Variants in FBXO40 observed in about 807,000 individuals in gnomAD.
The protein encoded by FBXO40 is F-box protein 40, also known as F-box only protein 40.
A neutral mutation model predicts 49.9 loss-of-function variants in FBXO40; 50 were observed. The ratio of observed to expected loss-of-function variants is 1.00; its 90% CI spans 0.80 to 1.27. The LOEUF (loss-of-function observed/expected upper bound fraction) is 1.27. FBXO40 is among the 50% of genes most tolerant of loss of function. The pLI is 0.00. For missense variants in FBXO40, 895 were observed against 870.1 expected (o/e 1.03, Z -0.36); for synonymous variants, 340 against 320.2 (o/e 1.06, Z -0.66).
chr3:121,604,974 ATTAT>A (rs148728112), intron 1 of FBXO40, among the ~76,000 whole-genome samples: 1,410 of 132,918 alleles, frequency 0.011, 11 homozygotes, highest in South Asian at 0.026. Flanking sequence ...TTATTTATTT[ATTAT>A]TTATTTATTT....
rs1262659921 is a variant in FBXO40, at chr3:121,627,561, G to A, written c.*651G>A. ...GGGCAGAAATGGGATCACAGAGTCTGTTGCTAGAATCTTGGCAACATACAG... is the reference window on the plus strand; with the variant it reads ...GGGCAGAAATGGGATCACAGAGTCTATTGCTAGAATCTTGGCAACATACAG... On this transcript the variant is annotated 3_prime_UTR_variant, in exon 4 of 4. Transcript: ENST00000338040. 1.7e-5 allele frequency: 5 copies of A among 298,832 alleles called. No homozygotes were observed. Among genetic ancestry groups the A allele is most frequent in the Non-Finnish European group, 3.0e-5 (5 of 164,064 alleles). The allele number at this position is 298,832 out of a possible 1,614,324, so 18.5% of individuals were successfully genotyped here.
At chr3:121,602,686 T>C (rs2048906391) in intron 1 of FBXO40, among the ~76,000 whole-genome samples, 1 of 152,250 alleles carries the variant, frequency 6.6e-6, no homozygotes, top group South Asian at 2.1e-4. Context: ...AACACCCCAA[T>C]TACAGTGTTA....
rs2049065827 is a variant in FBXO40 at position 121,627,068 on chromosome 3, G to A, written c.*158G>A. On this transcript the variant is annotated 3_prime_UTR_variant, in exon 4 of 4. Transcript: ENST00000338040. ...AATGTCCTTCGAAACCTCAACACGA[G>A]GCCTAAGAATTTCCTAAGCCATGTC... is the stretch of plus-strand genomic sequence containing the variant. 4 of 637,806 alleles carry A rather than the reference G, an allele frequency of 6.3e-6. No individual in the cohort carries two copies. Among genetic ancestry groups the A allele is most frequent in the African/African-American group, 1.8e-5 (1 of 54,700 alleles). The allele number at this position is 637,806 out of a possible 1,614,324, so 39.5% of individuals were successfully genotyped here.
At chr3:121,619,177 GT>G (rs920155564) in intron 1 of FBXO40, among the ~76,000 whole-genome samples, 34 of 146,022 alleles carry the variant, frequency 2.3e-4, no homozygotes, top group South Asian at 6.6e-4. Context: ...TTTTTTAACT[GT>G]TTTTTTTTTT....
chr3:121,597,496 A>C (rs192120628), intron 1 of FBXO40, among the ~76,000 whole-genome samples: 1 of 152,218 alleles, frequency 6.6e-6, no homozygotes, highest in East Asian at 1.9e-4. Context: ...CTGAAAATGG[A>C]AAGACCAGAC....
At chr3:121,607,914 A>T (rs1283047722) in intron 1 of FBXO40, among the ~76,000 whole-genome samples, 1 of 152,186 alleles carries the variant, frequency 6.6e-6, no homozygotes, top group Non-Finnish European at 1.5e-5. Flanking sequence ...TCCCTTCCCA[A>T]ATGAGTGGAA....
At chr3:121,614,782 A>G (rs552442463) in intron 1 of FBXO40, among the ~76,000 whole-genome samples, 3 of 152,298 alleles carry the variant, frequency 2.0e-5, no homozygotes, top group Non-Finnish European at 4.4e-5. Context: ...TGCTGCGCAG[A>G]CTGTTTTCCT....
In FBXO40 at chr3:121,622,276, G is replaced by A. The variant is rs1186887675; in HGVS notation, c.847G>A (p.Glu283Lys). 1 of 1,614,222 alleles carries A rather than the reference G, an allele frequency of 6.2e-7. No homozygotes were observed. Among genetic ancestry groups the A allele is most frequent in the East Asian group, 2.2e-5 (1 of 44,888 alleles). The change falls in exon 3 of 4, where the codon GAA (glutamate) becomes AAA (lysine). Residue 283 changes from glutamate to lysine, a missense_variant. Physicochemically the swap from Glu to Lys is moderately conservative, Grantham distance 56. Transcript: ENST00000338040. The stretch of plus-strand genomic sequence containing the variant: ...GCAGCAGGACGTTCGTACAGCCATG[G>A]AAACCACAGGGCTTGCCCCTTGGCA... Reference protein sequence around the residue: ...QKQQDVRTAMETTGLAPWQDG... With the variant: ...QKQQDVRTAMKTTGLAPWQDG...
chr3:121,604,861 G>A (rs1195284086), intron 1 of FBXO40, among the ~76,000 whole-genome samples: 1 of 152,186 alleles, frequency 6.6e-6, no homozygotes, highest in Non-Finnish European at 1.5e-5. Flanking sequence ...GGTAGGAAGA[G>A]TGAGGCCAAG....
Position 121,622,288 on chromosome 3 carries a change from C to T in FBXO40, c.859C>T (p.Leu287Phe), listed in dbSNP as rs1407013363. 2 of 1,614,228 alleles carry T rather than the reference C, an allele frequency of 1.2e-6. No homozygotes were observed. Among genetic ancestry groups the T allele is most frequent in the African/African-American group, 1.3e-5 (1 of 75,068 alleles). ...TCGTACAGCCATGGAAACCACAGGG[C>T]TTGCCCCTTGGCAGGATGGTGTTCT... ...DVRTAMETTG[L>F]APWQDGVLER... The change falls in exon 3 of 4, where the codon CTT (leucine) becomes TTT (phenylalanine). Residue 287 changes from leucine to phenylalanine, a missense_variant. Coordinates refer to ENST00000338040, the MANE Select transcript of FBXO40 (RefSeq NM_016298.4).
At chr3:121,608,149 G>C (rs745357446) in intron 1 of FBXO40, among the ~76,000 whole-genome samples, 1 of 152,096 alleles carries the variant, frequency 6.6e-6, no homozygotes, top group Non-Finnish European at 1.5e-5. Context: ...CATCTGCAAG[G>C]GCATTTCATT....
intron 1 of FBXO40, among the ~76,000 whole-genome samples, chr3:121,607,787 G>C (rs574632441): frequency 6.6e-6 from 1 of 152,264 alleles, no homozygotes; most frequent in African/African-American, 2.4e-5. Context: ...TAGAGGTGGG[G>C]GCAATGGCTG....
intron 1 of FBXO40, among the ~76,000 whole-genome samples, chr3:121,612,462 G>A (rs944974419): frequency 1.3e-5 from 2 of 152,116 alleles, no homozygotes; most frequent in Non-Finnish European, 2.9e-5. Flanking sequence ...TTGTTCCTCC[G>A]GAGCACTTGA....
At chr3:121,611,075 T>C (rs563779179) in intron 1 of FBXO40, among the ~76,000 whole-genome samples, 117 of 152,348 alleles carry the variant, frequency 7.7e-4, no homozygotes, top group African/African-American at 2.7e-3. Context: ...CAGATGTATA[T>C]GCAAATCTTG....
intron 1 of FBXO40, among the ~76,000 whole-genome samples, chr3:121,599,709 T>C (rs867488068): frequency 7.3e-4 from 62 of 84,818 alleles, no homozygotes; most frequent in Non-Finnish European, 1.3e-3. Context: ...CACACACATA[T>C]ATATATATAT....
chr3:121,616,130 T>C (rs1056399212), intron 1 of FBXO40, among the ~76,000 whole-genome samples: 7 of 152,158 alleles, frequency 4.6e-5, no homozygotes, highest in African/African-American at 1.4e-4. Flanking sequence ...TTTAACACCT[T>C]TGTTTATCTT....
intron 1 of FBXO40, among the ~76,000 whole-genome samples, chr3:121,597,789 G>T (rs188588090): frequency 1.8e-3 from 269 of 151,124 alleles, no homozygotes; most frequent in Non-Finnish European, 2.9e-3. Flanking sequence ...AGTCTCCCGA[G>T]CGTCTGGGAT....
intron 1 of FBXO40, among the ~76,000 whole-genome samples, chr3:121,611,780 C>A (rs1178970460): frequency 1.3e-5 from 2 of 152,240 alleles, no homozygotes; most frequent in African/African-American, 4.8e-5. Flanking sequence ...GCAGAGGTCC[C>A]TGCGGCTTTC....
intron 1 of FBXO40, among the ~76,000 whole-genome samples, chr3:121,611,561 A>G (rs6795370): frequency 0.73 from 110,921 of 152,188 alleles, 41,432 homozygotes; most frequent in African/African-American, 0.89. Context: ...TTGAACAAAT[A>G]TACAATCAGG....
Sources: gnomAD v4.1 joint callset for allele counts (sites outside exome capture counted in the v4.1 genomes callset) on GRCh38, gnomAD v4.1.1 for gene constraint, MANE v1.5 for transcripts, NCBI Gene and HGNC (gene_info 2026-07-23, HGNC 2026-07-21) for gene names.